DDX60L: variants seen among roughly 807,000 people sequenced by gnomAD.
DDX60L encodes the protein DExD/H-box 60 like.
Under a neutral mutation model 211.6 loss-of-function variants are expected in DDX60L, and 191 were observed. The ratio of observed to expected loss-of-function variants is 0.90; its 90% CI spans 0.80 to 1.02. The LOEUF is 1.02. Ranked by LOEUF, DDX60L falls within the 50% of genes least tolerant of loss-of-function variation. The pLI, the probability that DDX60L is intolerant of heterozygous loss-of-function variation, is 0.00. For missense variants in DDX60L, 2,007 were observed against 1,984.1 expected, an observed-to-expected ratio of 1.01 and a Z score of -0.22; for synonymous variants, 706 against 694.1, an observed-to-expected ratio of 1.02 and a Z score of -0.27.
At chr4:168,414,176 A>G (rs1441869394) in intron 22 of DDX60L, among the ~76,000 whole-genome samples, 1 of 152,176 alleles carries the variant, frequency 6.6e-6, no homozygotes, top group East Asian at 1.9e-4. Context: ...TTCCTCAGAC[A>G]AAAGCTAAGA....
At position 168,441,421 on chromosome 4, in the gene DDX60L, C is replaced by T; in HGVS notation, c.1210G>A (p.Val404Ile). The T allele has an allele frequency of 1.2e-6, 2 of 1,612,964 alleles. No individual in the cohort carries two copies. The highest frequency in any genetic ancestry group is 1.1e-5 in the South Asian group (1 of 90,928). Residue 404 changes from valine to isoleucine, a missense_variant, in exon 10 of 38, where the codon GTT (valine) becomes ATT (isoleucine). Coordinates refer to ENST00000682922, the MANE Select transcript of DDX60L (RefSeq NM_001012967.3). The stretch of plus-strand genomic sequence containing the variant: ...GACTTTCCAACGTTAAATTCTTTAA[C>T]CAGGTGTGACACAACATTCCACAGG... ...EDLWNVVSHL[V>I]KEFNVGKSFP...
At chr4:168,392,971 C>A (rs1360734900) in intron 28 of DDX60L, among the ~76,000 whole-genome samples, 3 of 151,956 alleles carry the variant, frequency 2.0e-5, no homozygotes, top group African/African-American at 7.3e-5. Context: ...TTTTATTGAG[C>A]CACTACTATG....
intron 29 of DDX60L, among the ~76,000 whole-genome samples, chr4:168,387,702 T>G (rs1410990015): frequency 3.3e-5 from 5 of 152,178 alleles, no homozygotes. Context: ...GAAAAGTAAT[T>G]GGACGATCTG....
At chr4:168,434,888 G>A (rs559908415) in intron 10 of DDX60L, among the ~76,000 whole-genome samples, 34 of 152,230 alleles carry the variant, frequency 2.2e-4, no homozygotes, top group African/African-American at 7.9e-4. Flanking sequence ...TGGAGAAAAG[G>A]CTAAATCCCT....
chr4:168,457,467 G>T (rs6818095), intron 6 of DDX60L, among the ~76,000 whole-genome samples: 43,847 of 150,698 alleles, frequency 0.29, 8,041 homozygotes, highest in East Asian at 0.62. Context: ...AGAAAGAGGT[G>T]CTTAGTAATC....
At chr4:168,449,655 A>G (rs1755455129) in intron 8 of DDX60L, among the ~76,000 whole-genome samples, 2 of 72,858 alleles carry the variant, frequency 2.7e-5, no homozygotes, top group African/African-American at 5.8e-5. Context: ...AAAAATGCAA[A>G]AAAAAAAAAA....
chr4:168,417,452 G>C (rs890318385), intron 19 of DDX60L, among the ~76,000 whole-genome samples: 2 of 152,110 alleles, frequency 1.3e-5, no homozygotes, highest in African/African-American at 4.8e-5. Context: ...GACCATTCCT[G>C]CTTATCCCTG....
chr4:168,358,010 G>T lies in DDX60L; in HGVS notation c.*137C>A, dbSNP rs11727781. 0.055 allele frequency: 40,063 copies of T among 733,956 alleles called. 1,356 individuals carry two copies. Among genetic ancestry groups the T allele is most frequent in the Middle Eastern group, 0.082 (221 of 2,710 alleles). The allele number at this position is 733,956 out of a possible 1,614,324, so 45.5% of individuals were successfully genotyped here. A position where few individuals can be genotyped will look rare whatever the true frequency, so the allele number is the denominator to read the frequency against. On this transcript the variant is annotated 3_prime_UTR_variant, in exon 38 of 38. Transcript: ENST00000682922. ...CTTAAAGTCATTCAGTTAGAAAATA[G>T]CAGAGCTGATATCTGAGTTTAATTC...
intron 9 of DDX60L, among the ~76,000 whole-genome samples, chr4:168,446,584 G>A (rs1177453765): frequency 6.6e-6 from 1 of 152,044 alleles, no homozygotes; most frequent in Non-Finnish European, 1.5e-5. Context: ...TCAATCCTAA[G>A]CCAAAAGAAC....
intron 35 of DDX60L, among the ~76,000 whole-genome samples, chr4:168,373,274 T>A (rs937716027): frequency 3.3e-5 from 5 of 152,178 alleles, no homozygotes; most frequent in African/African-American, 1.2e-4. Flanking sequence ...CCAGAGGTTC[T>A]AATGCTTTGT....
intron 36 of DDX60L, among the ~76,000 whole-genome samples, chr4:168,370,187 T>C (rs1035144396): frequency 7.2e-5 from 11 of 152,140 alleles, no homozygotes; most frequent in African/African-American, 2.4e-4. Context: ...CAACAGTGGA[T>C]GAACAGATAA....
intron 15 of DDX60L, among the ~76,000 whole-genome samples, chr4:168,422,999 G>GTGTGTGTGTGTGTGTGTGTGTA (rs551448406): frequency 0.022 from 3,020 of 137,454 alleles, 122 homozygotes; most frequent in African/African-American, 0.056. Flanking sequence ...GTGTGTGTGT[G>GTGTGTGTGTGTGTGTGTGTGTA]TTGTAGAGAC....
intron 37 of DDX60L, among the ~76,000 whole-genome samples, chr4:168,359,106 G>T (rs1383213087): frequency 1.3e-5 from 2 of 152,264 alleles, no homozygotes; most frequent in Middle Eastern, 3.4e-3. Context: ...CATGCTATTC[G>T]AGCATTGCAA....
chr4:168,461,089 T>C (rs1757265777), intron 5 of DDX60L, among the ~76,000 whole-genome samples: 1 of 152,158 alleles, frequency 6.6e-6, no homozygotes, highest in African/African-American at 2.4e-5. Context: ...TAGAGCTTAA[T>C]ATCTAGCCCC....
Position 168,378,851 on chromosome 4 carries a change from C to T in DDX60L, c.4364-376G>A, listed in dbSNP as rs545889066. ...TCAAAAACCTTTGAGGGTATCTCAACGGCTAATTGAAAAATCCAGGTTCCT... is the reference window on the plus strand; with the variant it reads ...TCAAAAACCTTTGAGGGTATCTCAATGGCTAATTGAAAAATCCAGGTTCCT... On this transcript the variant is annotated intron_variant, in intron 32 of 37. Transcript: ENST00000682922. Among the ~76,000 whole-genome samples the T allele has an allele frequency of 1.6e-3, 241 of 152,234 alleles. 1 individual carries two copies. The highest frequency in any genetic ancestry group is 2.9e-3 in the Non-Finnish European group (196 of 67,998).
chr4:168,404,148 T>C, intron 24 of DDX60L, 42 bp from the exon 25 acceptor site: 1 of 1,125,160 alleles, frequency 8.9e-7, no homozygotes, highest in Non-Finnish European at 1.2e-6. Flanking sequence ...AAAAAAAGAA[T>C]TTGTGGAAAC....
chr4:168,395,930 C>T (rs1826028), intron 27 of DDX60L, 29 bp downstream of exon 27: 4 of 1,450,606 alleles, frequency 2.8e-6, no homozygotes, highest in South Asian at 1.2e-5. Flanking sequence ...ACAACTGTAA[C>T]GTATTATATT....
At chr4:168,475,340 T>C (rs928520261) in intron 1 of DDX60L, among the ~76,000 whole-genome samples, 1 of 152,228 alleles carries the variant, frequency 6.6e-6, no homozygotes. Context: ...ATGACCAATG[T>C]CTTTCATCTT....
intron 10 of DDX60L, among the ~76,000 whole-genome samples, chr4:168,437,629 G>A (rs1466760668): frequency 1.3e-5 from 2 of 152,152 alleles, no homozygotes; most frequent in Admixed American, 6.5e-5. Flanking sequence ...AAACTGACTA[G>A]CGTTAATGTT....
Sources: allele counts gnomAD v4.1 joint callset (sites outside exome capture counted in the v4.1 genomes callset), GRCh38; gene constraint gnomAD v4.1.1; transcripts MANE v1.5; gene names NCBI Gene and HGNC (gene_info 2026-07-23, HGNC 2026-07-21).